Variants in ASTN2 observed in about 807,000 individuals in gnomAD.
ASTN2 encodes astrotactin-2.
A neutral mutation model predicts 139.8 loss-of-function variants in ASTN2; 54 were observed. That is an observed-to-expected ratio of 0.39 (90% confidence interval 0.31 to 0.48). The LOEUF is 0.48. Ranked by LOEUF, ASTN2 falls within the 20% of genes least tolerant of loss-of-function variation. The pLI, the probability that ASTN2 is intolerant of heterozygous loss-of-function variation, is 0.95. For synonymous variants in ASTN2, 756 were observed against 719.5 expected (o/e 1.05, Z -0.81); for missense variants, 1,565 against 1,725.1 (o/e 0.91, Z 1.64).
Position 116,699,692 on chromosome 9 carries a change from T to C in ASTN2, c.2806+26079A>G, listed in dbSNP as rs1273018123. On this transcript the variant is annotated intron_variant, in intron 16 of 22. Coordinates refer to ENST00000313400, the MANE Select transcript of ASTN2 (RefSeq NM_001365068.1). The surrounding 1 kb of genome is among the most constrained non-coding windows in gnomAD (Gnocchi z 4.2). ...TCTACAGCTACCATCTGAGAAGATA[T>C]TCCACCCCATAGGGGATGAGAAATT... 2.5e-6 allele frequency: 4 copies of C among 1,614,200 alleles called. No individual in the cohort carries two copies. The highest frequency in any genetic ancestry group is 1.1e-5 in the South Asian group (1 of 91,084).
chr9:116,979,056 T>C (rs1836436726), intron 7 of ASTN2, among the ~76,000 whole-genome samples: 1 of 152,222 alleles, frequency 6.6e-6, no homozygotes, highest in Non-Finnish European at 1.5e-5. Context: ...AAGTGTTATA[T>C]ATTTGACCTT....
At chr9:116,632,069 G>A (rs1233614396) in intron 17 of ASTN2, among the ~76,000 whole-genome samples, 1 of 150,034 alleles carries the variant, frequency 6.7e-6, no homozygotes, top group Non-Finnish European at 1.5e-5. Flanking sequence ...AGCTGAGATT[G>A]TGCCACTGCC....
intron 16 of ASTN2, among the ~76,000 whole-genome samples, chr9:116,658,298 G>A (rs1300517092): frequency 6.6e-6 from 1 of 152,106 alleles, no homozygotes; most frequent in East Asian, 1.9e-4. Context: ...ACCTGAAAAA[G>A]CTGCAGTGGC....
intron 6 of ASTN2, among the ~76,000 whole-genome samples, chr9:117,016,623 T>TATATATATGTTA: frequency 2.1e-4 from 1 of 4,878 alleles, no homozygotes; most frequent in South Asian, 0.011. Flanking sequence ...TATCTATCTA[T>TATATATATGTTA]CTATATATAT....
At chr9:116,570,868 C>G (rs922797013) in intron 19 of ASTN2, among the ~76,000 whole-genome samples, 1 of 152,206 alleles carries the variant, frequency 6.6e-6, no homozygotes, top group Admixed American at 6.5e-5. Flanking sequence ...CCATCCTGAC[C>G]TGTCCTGTCT....
chr9:116,627,223 C>CA (rs1315913001), intron 17 of ASTN2, among the ~76,000 whole-genome samples: 1 of 152,154 alleles, frequency 6.6e-6, no homozygotes, highest in Non-Finnish European at 1.5e-5. Context: ...TGAGTCATGT[C>CA]AAAAATTGCC....
intron 7 of ASTN2, among the ~76,000 whole-genome samples, chr9:116,994,222 T>C (rs144745246): frequency 3.3e-4 from 51 of 152,246 alleles, no homozygotes; most frequent in Non-Finnish European, 6.3e-4. Flanking sequence ...AATTCTGATG[T>C]TGTAGCACAA....
chr9:116,509,311 A>G (rs968602958), intron 19 of ASTN2, among the ~76,000 whole-genome samples: 5 of 152,262 alleles, frequency 3.3e-5, no homozygotes, highest in African/African-American at 1.2e-4. Context: ...TTATAGCTTC[A>G]TCCATGTCCC....
At chr9:117,049,560 T>C (rs1195836229) in intron 5 of ASTN2, among the ~76,000 whole-genome samples, 1 of 152,222 alleles carries the variant, frequency 6.6e-6, no homozygotes, top group African/African-American at 2.4e-5. Flanking sequence ...TTAAAGATTG[T>C]ATGTACATTA....
intron 19 of ASTN2, among the ~76,000 whole-genome samples, chr9:116,498,529 T>TC (rs577154045): frequency 1.2e-4 from 18 of 151,446 alleles, no homozygotes; most frequent in Non-Finnish European, 2.2e-4. Flanking sequence ...GCCCAGGAGA[T>TC]CAAGGTTGCA....
chr9:116,972,872 C>G (rs924055196), intron 10 of ASTN2, among the ~76,000 whole-genome samples: 1 of 152,160 alleles, frequency 6.6e-6, no homozygotes. Flanking sequence ...TGCTTTTCCA[C>G]GTAGTCTTTC....
At chr9:116,843,380 G>A (rs146002748) in intron 11 of ASTN2, among the ~76,000 whole-genome samples, 1 of 152,222 alleles carries the variant, frequency 6.6e-6, no homozygotes, top group African/African-American at 2.4e-5. Flanking sequence ...GAGCTAGGAC[G>A]GGCGTGGTGG....
intron 19 of ASTN2, among the ~76,000 whole-genome samples, chr9:116,603,706 G>A (rs990301992): frequency 3.9e-5 from 6 of 152,220 alleles, no homozygotes; most frequent in Admixed American, 2.6e-4. Context: ...AAACTCTCTG[G>A]ATGAAAGGTA....
intron 3 of ASTN2, among the ~76,000 whole-genome samples, chr9:117,165,435 G>A (rs555760165): frequency 2.2e-4 from 33 of 152,190 alleles, no homozygotes; most frequent in Non-Finnish European, 5.9e-5. Context: ...CTTTCAAAGT[G>A]CTTGAGTGGA....
At chr9:117,148,741 AT>A (rs1206097696) in intron 3 of ASTN2, among the ~76,000 whole-genome samples, 5 of 152,256 alleles carry the variant, frequency 3.3e-5, no homozygotes, top group African/African-American at 4.8e-5. Context: ...TTTTATCTAT[AT>A]TTTTTTAGAT....
In ASTN2 at chr9:117,295,219, G is replaced by A. The variant is rs575481100; in HGVS notation, c.443-3706C>T. 2.7e-4 allele frequency among the ~76,000 whole-genome samples: 41 copies of A among 152,246 alleles called. No individual in the cohort carries two copies. The South Asian group carries it at 8.3e-3, about 31-fold the overall frequency. ...TACCTGTAATCCCAGCTACTCAGGAGGCAGAGGCCCAAGAATCGCTTGAAC... is the reference window on the plus strand; with the variant it reads ...TACCTGTAATCCCAGCTACTCAGGAAGCAGAGGCCCAAGAATCGCTTGAAC... On this transcript the variant is annotated intron_variant, in intron 1 of 22. Coordinates refer to ENST00000313400, the MANE Select transcript of ASTN2 (RefSeq NM_001365068.1).
chr9:117,320,804 C>T (rs1828302520), intron 1 of ASTN2, among the ~76,000 whole-genome samples: 1 of 152,178 alleles, frequency 6.6e-6, no homozygotes, highest in Admixed American at 6.5e-5. Flanking sequence ...ACTGCCACCC[C>T]CACCTGATCA....
At chr9:116,677,212 G>A (rs1318202616) in intron 16 of ASTN2, among the ~76,000 whole-genome samples, 1 of 150,548 alleles carries the variant, frequency 6.6e-6, no homozygotes, top group South Asian at 2.1e-4. Context: ...CCATTTTTTT[G>A]TCTTGCCACT....
chr9:117,386,738 AG>A, intron 1 of ASTN2, among the ~76,000 whole-genome samples: 1 of 152,110 alleles, frequency 6.6e-6, no homozygotes, highest in East Asian at 1.9e-4. Flanking sequence ...CCAGCTCCTC[AG>A]CCCCTTGGGT....
Sources: gnomAD v4.1 joint callset for allele counts (sites outside exome capture counted in the v4.1 genomes callset) on GRCh38, gnomAD v4.1.1 for gene constraint, Gnocchi (gnomAD v3.1) non-coding constraint, MANE v1.5 for transcripts, NCBI Gene and HGNC (gene_info 2026-07-23, HGNC 2026-07-21) for gene names.